Variants in TTN observed in about 807,000 individuals in gnomAD.
TTN encodes titin.
A neutral mutation model predicts 3,223.0 loss-of-function variants in TTN; 1,525 were observed. That is an observed-to-expected ratio of 0.47 (90% confidence interval 0.45 to 0.49). TTN has a LOEUF of 0.49. Ranked by LOEUF, TTN falls within the 20% of genes least tolerant of loss-of-function variation. TTN has a pLI of 0.00. For synonymous variants in TTN, 14,094 were observed against 15,161.0 expected (o/e 0.93, Z 5.17); for missense variants, 40,786 against 43,424.0 (o/e 0.94, Z 5.40).
intron 55 of TTN, 32 bp from the exon 56 acceptor site, chr2:178,732,750 G>T: frequency 1.3e-6 from 2 of 1,560,832 alleles, no homozygotes; most frequent in East Asian, 4.5e-5. Context: ...GAATTTCAAA[G>T]AGTTAAGAGG....
At position 178,781,200 on chromosome 2, in the gene TTN, A is replaced by G; in HGVS notation, c.3444T>C (p.Ala1148=). The G allele has an allele frequency of 1.2e-6, 2 of 1,614,090 alleles. No homozygotes were observed. Among genetic ancestry groups the G allele is most frequent in the Non-Finnish European group, 1.7e-6 (2 of 1,179,974 alleles). Reference sequence around the variant, plus strand: ...CAATAGTGTATTCTCCAGCATCATCAGCAAAAGTCATAGAAATCACCAGCT... The same window carrying G: ...CAATAGTGTATTCTCCAGCATCATCGGCAAAAGTCATAGAAATCACCAGCT... The part of the protein sequence containing the change: ...ECKLVISMTF[A]DDAGEYTIVV... Residue 1148 remains alanine, a synonymous_variant, in exon 21 of 363, where the codon GCT becomes GCC. Coordinates refer to ENST00000589042, the MANE Select transcript of TTN (RefSeq NM_001267550.2).
Position 178,632,234 on chromosome 2 carries a change from T to TG in TTN, c.43659dup (p.Thr14554HisfsTer8). 6.2e-7 allele frequency: 1 copy of TG among 1,607,730 alleles called. No homozygotes were observed. Among genetic ancestry groups the TG allele is most frequent in the Non-Finnish European group, 8.5e-7 (1 of 1,176,826 alleles). On this transcript the variant is annotated frameshift_variant, in exon 236 of 363. Coordinates refer to ENST00000589042, the MANE Select transcript of TTN (RefSeq NM_001267550.2). LOFTEE classifies it high-confidence loss of function. ...TCATCAATAGACAGGTCTTTGAATG[T>TG]GATCGAATGAGTTTTCCCTTCGTCT... is the stretch of plus-strand genomic sequence containing the variant.
intron 318 of TTN, 45 bp from the exon 319 acceptor site, chr2:178,579,893 G>C: frequency 6.2e-7 from 1 of 1,612,138 alleles, no homozygotes; most frequent in Non-Finnish European, 8.5e-7. Flanking sequence ...ATATAACAAA[G>C]GAAGGATATA....
chr2:178,713,749 T>C, intron 92 of TTN, 148 bp downstream of exon 92: 1 of 1,045,270 alleles, frequency 9.6e-7, no homozygotes, highest in East Asian at 2.6e-5. Flanking sequence ...CTTCTAATTC[T>C]ACAGATGGTA....
rs1193803834 is a variant in TTN, at chr2:178,773,984, A to T, written c.7184T>A (p.Val2395Glu). The T allele has an allele frequency of 2.5e-6, 4 of 1,614,088 alleles. No individual in the cohort carries two copies. Among genetic ancestry groups the T allele is most frequent in the Middle Eastern group, 1.6e-4 (1 of 6,062 alleles). Residue 2395 changes from valine (V) to glutamate (E), a missense_variant, in exon 31 of 363, where the codon GTG (valine) becomes GAG (glutamate). Physicochemically the swap from Val to Glu is moderately radical, Grantham distance 121 (BLOSUM62 -2). Transcript: ENST00000589042. ...EGVWMKDGQE[V>E]QPSDRVHIVI... ...AATGTGAACCCTGTCACTGGGCTGC[A>T]CTTCTTGGCCGTCTTTCATCCAGAC...
chr2:178,546,869 C>T lies in TTN; in HGVS notation c.94559G>A (p.Arg31520Lys), dbSNP rs879111902. The change falls in exon 341 of 363, where the codon AGA (arginine) becomes AAA (lysine). Residue 31520 changes from arginine (R) to lysine (K), a missense_variant. Transcript: ENST00000589042. ...PGRPEVTDVT[R>K]STVSLIWSAP... is the part of the protein sequence containing the mutation. ...AGACCAAATCAGTGATACTGTTGAT[C>T]TTGTGACATCTGTCACCTCTGGTCT... 3.8e-6 allele frequency: 6 copies of T among 1,596,134 alleles called. No individual in the cohort carries two copies. Among genetic ancestry groups the T allele is most frequent in the Non-Finnish European group, 5.1e-6 (6 of 1,167,852 alleles).
At chr2:178,748,348 A>G (rs759653897) in intron 47 of TTN, 3 of 1,613,166 alleles carry the variant, frequency 1.9e-6, no homozygotes, top group Non-Finnish European at 1.7e-6. Context: ...CCATAGTTCT[A>G]TTTGAAAGCT....
intron 285 of TTN, 45 bp from the exon 286 acceptor site, chr2:178,601,832 A>T: frequency 1.9e-6 from 3 of 1,605,052 alleles, no homozygotes; most frequent in Non-Finnish European, 2.5e-6. Context: ...AAATCATAGC[A>T]ATATTGAAGT....
In TTN at chr2:178,568,672, T is replaced by C; in HGVS notation, c.77460A>G (p.Pro25820=). The change falls in exon 326 of 363, where the codon CCA becomes CCG. Residue 25820 remains proline, a synonymous_variant. Coordinates refer to ENST00000589042, the MANE Select transcript of TTN (RefSeq NM_001267550.2). ...QVGQDLKIEV[P]ISGRPKPTIT... is the part of the protein sequence containing the mutation. The stretch of plus-strand genomic sequence containing the variant: ...TGGTTGGCTTAGGACGTCCAGAAAT[T>C]GGCACTTCTATTTTCAAATCTTGGC... 1 of 1,613,370 alleles carries C rather than the reference T, an allele frequency of 6.2e-7. No individual in the cohort carries two copies. The highest frequency in any genetic ancestry group is 8.5e-7 in the Non-Finnish European group (1 of 1,179,582).
chr2:178,529,834 T>C (rs1688267325), intron 359 of TTN, 126 bp downstream of exon 359: 1 of 1,060,752 alleles, frequency 9.4e-7, no homozygotes, highest in Non-Finnish European at 1.3e-6. Context: ...CAAATTGTAT[T>C]CTGGAATTAG....
chr2:178,726,526 T>A (rs1183016183), intron 69 of TTN: 1 of 146,062 alleles, frequency 6.8e-6, no homozygotes, highest in Non-Finnish European at 1.5e-5. Context: ...AAACTTGGCC[T>A]TTGTGACAAA....
intron 47 of TTN, chr2:178,748,231 G>A (rs1204686501): frequency 6.2e-7 from 1 of 1,612,900 alleles, no homozygotes; most frequent in Non-Finnish European, 8.5e-7. Flanking sequence ...CTTCAGAAAA[G>A]GATTTAAGAG....
At chr2:178,793,747 C>T (rs1183453777) in intron 8 of TTN, among the ~76,000 whole-genome samples, 2 of 152,194 alleles carry the variant, frequency 1.3e-5, no homozygotes, top group Middle Eastern at 3.4e-3. Context: ...CTGCAGTGAG[C>T]GGAGGTCATG....
Position 178,528,963 on chromosome 2 carries a change from T to A in TTN, c.106788A>T (p.Thr35596=), listed in dbSNP as rs369896045. The A allele has an allele frequency of 4.2e-5, 67 of 1,614,028 alleles. No individual in the cohort carries two copies. In the East Asian group the frequency reaches 1.3e-3, roughly 32 times the overall value. ...TTCTGACTTCTTCTGATGCCTGTGA[T>A]GTTTTAGTGATTTCCTCATGGACAA... ...KSIVHEEITK[T]SQASEEVRTH... is the part of the protein sequence containing the mutation. The change falls in exon 360 of 363, where the codon ACA becomes ACT. Residue 35596 remains threonine (T), a synonymous_variant. Transcript: ENST00000589042.
rs754787711 is a variant in TTN at position 178,570,291 on chromosome 2, C to T, written c.75841G>A (p.Ala25281Thr). The T allele has an allele frequency of 1.1e-5, 17 of 1,613,196 alleles. No homozygotes were observed. The East Asian group carries it at 1.6e-4, about 15-fold the overall frequency. Reference protein sequence around the residue: ...EGNEYTFRIMAVNKYGVGEPL... With the variant: ...EGNEYTFRIMTVNKYGVGEPL... ...TCACCAACACCATATTTGTTTACTGCCATTATACGGAAAGTATATTCATTG... is the reference window on the plus strand; with the variant it reads ...TCACCAACACCATATTTGTTTACTGTCATTATACGGAAAGTATATTCATTG... Residue 25281 changes from alanine (A) to threonine (T), a missense_variant, in exon 326 of 363, where the codon GCA becomes ACA. By Grantham distance (58) the Ala-to-Thr change is moderately conservative. Coordinates refer to ENST00000589042, the MANE Select transcript of TTN (RefSeq NM_001267550.2).
chr2:178,781,319 A>G (rs983208337), intron 20 of TTN, 56 bp from the exon 21 acceptor site: 2 of 1,598,444 alleles, frequency 1.3e-6, no homozygotes, highest in African/African-American at 2.7e-5. Flanking sequence ...TTCTGTGGGT[A>G]AAATAATTGG....
intron 294 of TTN, among the ~76,000 whole-genome samples, 175 bp from the exon 295 acceptor site, chr2:178,595,984 C>CTTTT (rs762808998): frequency 1.7e-4 from 20 of 114,514 alleles, no homozygotes; most frequent in African/African-American, 3.2e-4. Flanking sequence ...CAGTCAACCA[C>CTTTT]TTTTTTTTTT....
At chr2:178,749,462 T>G in intron 47 of TTN, 1 of 1,613,030 alleles carries the variant, frequency 6.2e-7, no homozygotes, top group Non-Finnish European at 8.5e-7. Context: ...CTCAATAGTC[T>G]CAAGGCTTTG....
rs748527420 is a variant in TTN at position 178,578,967 on chromosome 2, T to A, written c.68063A>T (p.Asn22688Ile). 4 of 1,613,244 alleles carry A rather than the reference T, an allele frequency of 2.5e-6. No individual in the cohort carries two copies. In the South Asian group the frequency reaches 4.4e-5, roughly 18 times the overall value. Reference protein sequence around the residue: ...NYILEKRDSVNNKWVTCASAV... With the variant: ...NYILEKRDSVINKWVTCASAV... ...TGAGGCGCACGTCACCCACTTGTTGTTCACAGAATCCCTCTTCTCTAGGAT... is the reference window on the plus strand; with the variant it reads ...TGAGGCGCACGTCACCCACTTGTTGATCACAGAATCCCTCTTCTCTAGGAT... The change falls in exon 320 of 363, where the codon AAC becomes ATC. Residue 22688 changes from asparagine to isoleucine, a missense_variant. Transcript: ENST00000589042.
Sources: allele counts gnomAD v4.1 joint callset (sites outside exome capture counted in the v4.1 genomes callset), GRCh38; gene constraint gnomAD v4.1.1; transcripts MANE v1.5; gene names NCBI Gene and HGNC (gene_info 2026-07-23, HGNC 2026-07-21).